SCIN: variants seen among roughly 807,000 people sequenced by gnomAD.
SCIN encodes adseverin.
SCIN carries 91 observed loss-of-function variants against 91.8 expected under a neutral mutation model. That is an observed-to-expected ratio of 0.99 (90% confidence interval 0.84 to 1.18). The LOEUF is 1.18. SCIN is among the 50% of genes most tolerant of loss of function. The pLI is 0.00. For synonymous variants in SCIN, 367 were observed against 312.6 expected, an observed-to-expected ratio of 1.17 and a Z score of -1.84; for missense variants, 1,087 against 863.9, an observed-to-expected ratio of 1.26 and a Z score of -3.24.
rs138594637 is a variant in SCIN at position 12,580,376 on chromosome 7, T to C, written c.355-684T>C. Reference sequence around the variant, plus strand: ...AATATCTTTCTTTAATTCGGGTGATTGTATTTCATTTTATTTTATTTTTTT... The same window carrying C: ...AATATCTTTCTTTAATTCGGGTGATCGTATTTCATTTTATTTTATTTTTTT... On this transcript the variant is annotated intron_variant, in intron 2 of 15. Coordinates refer to ENST00000297029, the MANE Select transcript of SCIN (RefSeq NM_001112706.3). Among the ~76,000 whole-genome samples the C allele has an allele frequency of 3.0e-4, 46 of 152,326 alleles. No individual in the cohort carries two copies. The East Asian group carries it at 8.5e-3, about 28-fold the overall frequency.
At chr7:12,582,846 C>G (rs1230790115) in intron 3 of SCIN, among the ~76,000 whole-genome samples, 2 of 152,196 alleles carry the variant, frequency 1.3e-5, no homozygotes, top group African/African-American at 4.8e-5. Flanking sequence ...CATTCAGTCT[C>G]TCAAACCTTA....
intron 4 of SCIN, among the ~76,000 whole-genome samples, chr7:12,611,542 A>G (rs1428923434): frequency 2.0e-5 from 3 of 152,170 alleles, no homozygotes; most frequent in Admixed American, 6.6e-5. Flanking sequence ...AAATGATACT[A>G]CAGAGAGAGG....
intron 3 of SCIN, among the ~76,000 whole-genome samples, chr7:12,603,784 G>T (rs1303096356): frequency 6.6e-6 from 1 of 152,014 alleles, no homozygotes; most frequent in African/African-American, 2.4e-5. Flanking sequence ...AATTTTAACA[G>T]TTAAGTATCA....
In SCIN at chr7:12,570,936, C is replaced by A. The variant is rs931065907; in HGVS notation, c.150C>A (p.His50Gln). 1.3e-6 allele frequency: 2 copies of A among 1,551,472 alleles called. No homozygotes were observed. Among genetic ancestry groups the A allele is most frequent in the East Asian group, 4.9e-5 (2 of 40,884 alleles). ...TCGGGGATGCCTACCTGGTGCTGCA[C>A]ACGGCCAAGACGAGCCGAGGCTTCA... ...FYVGDAYLVL[H>Q]TAKTSRGFTY... The change falls in exon 1 of 16, where the codon CAC (histidine) becomes CAA (glutamine). Residue 50 changes from histidine to glutamine, a missense_variant. Physicochemically the swap from His to Gln is conservative, Grantham distance 24. Transcript: ENST00000297029.
rs1061889 is a variant in SCIN, at chr7:12,644,270, G to A, written c.1714G>A (p.Val572Ile). The change falls in exon 12 of 16, where the codon GTC becomes ATC. Residue 572 changes from valine to isoleucine, a missense_variant. Val to Ile is a conservative substitution (Grantham distance 29). Transcript: ENST00000297029. ...EEKGAEYVAS[V>I]LKCKTLRIQE... ...GAAAGGAGCAGAGTATGTAGCAAGT[G>A]TCCTAAAGTGCAAAACCTTAAGGAT... 1 of 1,599,674 alleles carries A rather than the reference G, an allele frequency of 6.3e-7. No homozygotes were observed. Among genetic ancestry groups the A allele is most frequent in the Non-Finnish European group, 8.5e-7 (1 of 1,172,660 alleles).
In SCIN at chr7:12,601,821, T is replaced by C. The variant is rs1782964351; in HGVS notation, c.517-2693T>C. On this transcript the variant is annotated intron_variant, in intron 3 of 15. Transcript: ENST00000297029. ...AAATGTAATTATATTATTCTATGTCTTTATTGTATTCTTGATGATATACCT... is the reference window on the plus strand; with the variant it reads ...AAATGTAATTATATTATTCTATGTCCTTATTGTATTCTTGATGATATACCT... 3.3e-5 allele frequency among the ~76,000 whole-genome samples: 5 copies of C among 152,342 alleles called. No individual in the cohort carries two copies. The South Asian group carries it at 1.0e-3, about 32-fold the overall frequency.
chr7:12,578,307 G>A, intron 2 of SCIN, 89 bp downstream of exon 2: 1 of 1,223,452 alleles, frequency 8.2e-7, no homozygotes, highest in Non-Finnish European at 1.1e-6. Flanking sequence ...AGTTCGTTGA[G>A]GGCAGGGGTT....
chr7:12,606,776 C>G (rs1173645683), intron 4 of SCIN, among the ~76,000 whole-genome samples: 3 of 151,906 alleles, frequency 2.0e-5, no homozygotes, highest in Admixed American at 6.6e-5. Flanking sequence ...ATATATGATT[C>G]ATTTTATAAT....
rs202237021 is a variant in SCIN, at chr7:12,652,705, G to A, written c.2138G>A (p.Ser713Asn). The stretch of plus-strand genomic sequence containing the variant: ...GGCTGGTTCCTGGGCTGGGATTCCA[G>A]CAAGTGGTAAATTGGTATTTGTAAA... ...FTGWFLGWDS[S>N]KW The change falls in exon 16 of 16, where the codon AGC (serine) becomes AAC (asparagine). Residue 713 changes from serine (S) to asparagine (N), a missense_variant. Physicochemically the swap from Ser to Asn is conservative, Grantham distance 46. Coordinates refer to ENST00000297029, the MANE Select transcript of SCIN (RefSeq NM_001112706.3). 5.6e-6 allele frequency: 9 copies of A among 1,603,628 alleles called. No individual in the cohort carries two copies. In the African/African-American group the frequency reaches 1.1e-4, roughly 19 times the overall value.
At chr7:12,575,446 A>T (rs199899029) in intron 1 of SCIN, among the ~76,000 whole-genome samples, 1 of 152,006 alleles carries the variant, frequency 6.6e-6, no homozygotes, top group African/African-American at 2.4e-5. Flanking sequence ...TGGGAAAAAC[A>T]TTTAGTCTTT....
Position 12,654,413 on chromosome 7 carries a change from G to T in SCIN, c.*1698G>T, listed in dbSNP as rs1784135249. On this transcript the variant is annotated 3_prime_UTR_variant, in exon 16 of 16. Coordinates refer to ENST00000297029, the MANE Select transcript of SCIN (RefSeq NM_001112706.3). The stretch of plus-strand genomic sequence containing the variant: ...GCCTAAAGGAAAATTTACCTAAAAA[G>T]GCGTTTTCTTGCTATGGCAGTGTAA... The T allele has an allele frequency of 6.6e-6, 1 of 152,068 alleles. No individual in the cohort carries two copies. The highest frequency in any genetic ancestry group is 2.4e-5 in the African/African-American group (1 of 41,404). The allele number at this position is 152,068 out of a possible 1,614,324, so 9.4% of individuals were successfully genotyped here.
At chr7:12,616,575 G>A (rs1452296608) in intron 4 of SCIN, among the ~76,000 whole-genome samples, 2 of 152,102 alleles carry the variant, frequency 1.3e-5, no homozygotes, top group East Asian at 3.9e-4. Context: ...ACACTGCACT[G>A]AAAGTTAGTT....
chr7:12,618,064 T>C (rs1783334619), intron 4 of SCIN, among the ~76,000 whole-genome samples: 1 of 152,146 alleles, frequency 6.6e-6, no homozygotes, highest in Non-Finnish European at 1.5e-5. Flanking sequence ...CTAGGAATGC[T>C]GAAGTCCAGT....
intron 1 of SCIN, chr7:12,571,246 T>C (rs530073417): frequency 2.0e-6 from 1 of 511,590 alleles, no homozygotes; most frequent in South Asian, 2.7e-5. Flanking sequence ...TTCCTGGACT[T>C]TGGAGCTGGT....
chr7:12,588,454 C>G (rs75527770), intron 3 of SCIN, among the ~76,000 whole-genome samples: 2 of 151,850 alleles, frequency 1.3e-5, no homozygotes, highest in African/African-American at 4.8e-5. Context: ...TAAGGTTAGC[C>G]GAGAGAAAGG....
rs769308982 is a variant in SCIN, at chr7:12,626,766, C to T, written c.1164C>T (p.His388=). Residue 388 remains histidine (H), a synonymous_variant, in exon 8 of 16, where the codon CAC becomes CAT. Coordinates refer to ENST00000297029, the MANE Select transcript of SCIN (RefSeq NM_001112706.3). ...GTTCTCCGCAGATGGCAGCCCAGCA[C>T]AATATGGTGGATGATGGTTCTGGCA... ...LHSSPQMAAQ[H]NMVDDGSGKV... is the part of the protein sequence containing the mutation. 6.2e-7 allele frequency: 1 copy of T among 1,610,348 alleles called. No homozygotes were observed. The highest frequency in any genetic ancestry group is 8.5e-7 in the Non-Finnish European group (1 of 1,178,382).
At chr7:12,644,446 T>C (rs1182451938) in intron 12 of SCIN, 131 bp downstream of exon 12, 30 of 1,436,862 alleles carry the variant, frequency 2.1e-5, no homozygotes, top group Non-Finnish European at 2.8e-5. Context: ...GTTGCAGAGG[T>C]GGGTGGGTGA....
At position 12,652,857 on chromosome 7, in the gene SCIN, A is replaced by ACTT. The variant is rs1784110311; in HGVS notation, c.*143_*145dup. ...GGTGGCTCACACCTGTAATCCCAGC[A>ACTT]CTTTGAGAGGATGAGGTAGGCGGAT... On this transcript the variant is annotated 3_prime_UTR_variant, in exon 16 of 16. Transcript: ENST00000297029. The ACTT allele has an allele frequency of 4.1e-6, 4 of 973,040 alleles. No individual in the cohort carries two copies. Among genetic ancestry groups the ACTT allele is most frequent in the Non-Finnish European group, 6.0e-6 (4 of 669,032 alleles). 60.3% of individuals were successfully genotyped at this position (973,040 alleles called of 1,614,324 possible).
rs201779949 is a variant in SCIN at position 12,645,628 on chromosome 7, T to C, written c.1881+923T>C. 8.5e-5 allele frequency among the ~76,000 whole-genome samples: 13 copies of C among 152,262 alleles called. No individual in the cohort carries two copies. In the East Asian group the frequency reaches 2.5e-3, roughly 29 times the overall value. ...AGTATCCATTAGTTATTTTTCCTGA[T>C]CGTCTCCCTCATCCCACCTTCCACC... On this transcript the variant is annotated intron_variant, in intron 13 of 15. Coordinates refer to ENST00000297029, the MANE Select transcript of SCIN (RefSeq NM_001112706.3).
Sources: gnomAD v4.1 joint callset for allele counts (sites outside exome capture counted in the v4.1 genomes callset) on GRCh38, gnomAD v4.1.1 for gene constraint, MANE v1.5 for transcripts, NCBI Gene and HGNC (gene_info 2026-07-23, HGNC 2026-07-21) for gene names.